Variants in SLIT3 observed in about 807,000 individuals in gnomAD.
SLIT3 encodes the protein slit homolog 3 protein.
Under a neutral mutation model 184.0 loss-of-function variants are expected in SLIT3, and 68 were observed. The observed-to-expected ratio is 0.37, with a 90% confidence interval of 0.30 to 0.45. SLIT3 has a LOEUF of 0.45. Ranked by LOEUF, SLIT3 falls within the 20% of genes least tolerant of loss-of-function variation. SLIT3 has a pLI of 1.00. For synonymous variants in SLIT3, 831 were observed against 828.6 expected (o/e 1.00, Z -0.05); for missense variants, 1,707 against 2,026.0 (o/e 0.84, Z 3.02).
rs1216665681 is a variant in SLIT3 at position 168,973,012 on chromosome 5, A to G, written c.414-89676T>C. On this transcript the variant is annotated intron_variant, in intron 4 of 35. Coordinates refer to ENST00000519560, the MANE Select transcript of SLIT3 (RefSeq NM_003062.4). ...GCAAAATGCTGAGAGTAGCTGGCACAGTCTTTCCTTAGATGACCTCTGAAA... is the reference window on the plus strand; with the variant it reads ...GCAAAATGCTGAGAGTAGCTGGCACGGTCTTTCCTTAGATGACCTCTGAAA... 2.6e-5 allele frequency among the ~76,000 whole-genome samples: 4 copies of G among 152,336 alleles called. No homozygotes were observed. The East Asian group carries it at 7.7e-4, about 29-fold the overall frequency.
rs144652435 is a variant in SLIT3, at chr5:168,960,207, G to A, written c.414-76871C>T. Reference sequence around the variant, plus strand: ...CTCCTCTGTACCTATGGTACCTGGCGTACTGCATGGCAGGTAATAGTCGGT... The same window carrying A: ...CTCCTCTGTACCTATGGTACCTGGCATACTGCATGGCAGGTAATAGTCGGT... On this transcript the variant is annotated intron_variant, in intron 4 of 35. Transcript: ENST00000519560. Among the ~76,000 whole-genome samples the A allele has an allele frequency of 2.5e-4, 38 of 152,306 alleles. No homozygotes were observed. The South Asian group carries it at 4.3e-3, about 17-fold the overall frequency.
At chr5:168,885,004 C>T (rs956524180) in intron 4 of SLIT3, among the ~76,000 whole-genome samples, 2 of 152,056 alleles carry the variant, frequency 1.3e-5, no homozygotes, top group African/African-American at 2.4e-5. Flanking sequence ...AGACATCAGA[C>T]GACTGCCCTC....
Position 168,666,546 on chromosome 5 carries a change from G to GCTTGCTGCGGGTGGGCTGGCAGCACT in SLIT3, c.4454_4479dup (p.Arg1494SerfsTer24). 1.2e-6 allele frequency: 2 copies of GCTTGCTGCGGGTGGGCTGGCAGCACT among 1,613,812 alleles called. No homozygotes were observed. The highest frequency in any genetic ancestry group is 1.7e-6 in the Non-Finnish European group (2 of 1,179,926). On this transcript the variant is annotated frameshift_variant, in exon 36 of 36. Coordinates refer to ENST00000519560, the MANE Select transcript of SLIT3 (RefSeq NM_003062.4). LOFTEE classifies it high-confidence loss of function. ...GTGCACTGGAAGACGTATTTCCGCC[G>GCTTGCTGCGGGTGGGCTGGCAGCACT]CTTGCTGCGGGTGGGCTGGCAGCAC...
At chr5:169,222,496 T>C (rs1397275892) in intron 3 of SLIT3, among the ~76,000 whole-genome samples, 1 of 152,146 alleles carries the variant, frequency 6.6e-6, no homozygotes, top group African/African-American at 2.4e-5. Flanking sequence ...CAGGTGACAA[T>C]TACTTGTCAG....
At chr5:168,779,493 A>G (rs537354846) in intron 12 of SLIT3, among the ~76,000 whole-genome samples, 2 of 152,298 alleles carry the variant, frequency 1.3e-5, no homozygotes, top group East Asian at 1.9e-4. Flanking sequence ...GAGCTCTAGG[A>G]GGCCCTCTGC....
At chr5:168,939,827 A>G (rs1307518957) in intron 4 of SLIT3, among the ~76,000 whole-genome samples, 1 of 152,208 alleles carries the variant, frequency 6.6e-6, no homozygotes, top group Non-Finnish European at 1.5e-5. Flanking sequence ...AGTGGCTATC[A>G]TGTTATTGAA....
At chr5:168,800,082 C>T (rs141459318) in intron 9 of SLIT3, among the ~76,000 whole-genome samples, 2 of 152,260 alleles carry the variant, frequency 1.3e-5, no homozygotes, top group East Asian at 3.9e-4. Flanking sequence ...GAAGGAAGCC[C>T]CATGTTTATT....
In SLIT3 at chr5:168,768,081, G is replaced by A. The variant is rs564654187; in HGVS notation, c.1459+4700C>T. ...GGGAGAGGTGGGTCTGGCAGGTGGTGGGCTGCGGTGCTCCAGAGCAGAGGA... is the reference window on the plus strand; with the variant it reads ...GGGAGAGGTGGGTCTGGCAGGTGGTAGGCTGCGGTGCTCCAGAGCAGAGGA... On this transcript the variant is annotated intron_variant, in intron 14 of 35. Coordinates refer to ENST00000519560, the MANE Select transcript of SLIT3 (RefSeq NM_003062.4). The A allele has an allele frequency of 2.4e-4, 97 of 405,868 alleles. 2 individuals are homozygous for A. The highest frequency in any genetic ancestry group is 1.6e-3 in the South Asian group (91 of 55,546). 25.1% of individuals were successfully genotyped at this position (405,868 alleles called of 1,614,324 possible).
intron 3 of SLIT3, among the ~76,000 whole-genome samples, chr5:169,224,551 A>G (rs1581074236): frequency 6.6e-6 from 1 of 151,956 alleles, no homozygotes; most frequent in African/African-American, 2.4e-5. Flanking sequence ...GTATTTTTGT[A>G]GAGATGGGGT....
intron 4 of SLIT3, among the ~76,000 whole-genome samples, chr5:169,106,258 G>A (rs893839607): frequency 6.6e-6 from 1 of 152,144 alleles, no homozygotes. Flanking sequence ...GAAGCCAAGG[G>A]TCCTCTTTCA....
At chr5:169,203,666 C>T (rs1232306637) in intron 3 of SLIT3, among the ~76,000 whole-genome samples, 1 of 152,176 alleles carries the variant, frequency 6.6e-6, no homozygotes, top group Non-Finnish European at 1.5e-5. Flanking sequence ...CTTTACCCTG[C>T]TACCAGGATA....
chr5:168,947,602 G>C (rs989803054), intron 4 of SLIT3, among the ~76,000 whole-genome samples: 3 of 152,182 alleles, frequency 2.0e-5, no homozygotes, highest in Admixed American at 6.5e-5. Context: ...GGCTGACAGA[G>C]GCACCAGGGC....
intron 20 of SLIT3, among the ~76,000 whole-genome samples, chr5:168,726,807 T>TA (rs931734645): frequency 1.3e-4 from 20 of 150,526 alleles, no homozygotes; most frequent in South Asian, 4.2e-4. Context: ...ACCCCCCTCC[T>TA]AAAAATACAA....
At chr5:169,001,664 G>A (rs1755706860) in intron 4 of SLIT3, among the ~76,000 whole-genome samples, 1 of 152,084 alleles carries the variant, frequency 6.6e-6, no homozygotes, top group Non-Finnish European at 1.5e-5. Context: ...ACCTAAGCTG[G>A]GATGAGAACC....
At chr5:169,220,347 G>GT (rs1388365844) in intron 3 of SLIT3, among the ~76,000 whole-genome samples, 1 of 151,800 alleles carries the variant, frequency 6.6e-6, no homozygotes, top group Non-Finnish European at 1.5e-5. Flanking sequence ...AAATTTTTAG[G>GT]TTTTAAAAAA....
chr5:168,835,724 T>C (rs530332175), intron 6 of SLIT3, among the ~76,000 whole-genome samples: 2 of 151,432 alleles, frequency 1.3e-5, no homozygotes, highest in South Asian at 4.2e-4. Context: ...GACAAGAGAG[T>C]TGCTTGAACT....
intron 3 of SLIT3, among the ~76,000 whole-genome samples, chr5:169,194,062 G>A (rs1029374665): frequency 2.6e-5 from 4 of 151,700 alleles, no homozygotes; most frequent in Non-Finnish European, 4.4e-5. Flanking sequence ...GTGAAACCCC[G>A]TTTCTAATAA....
chr5:168,802,421 C>T lies in SLIT3; in HGVS notation c.935+4025G>A, dbSNP rs371544831. 1.8e-4 allele frequency among the ~76,000 whole-genome samples: 27 copies of T among 152,290 alleles called. 2 individuals carry two copies. The highest frequency in any genetic ancestry group is 6.0e-4 in the African/African-American group (25 of 41,560). ...CCTATCCAGCCATAGAAACTTGCCG[C>T]CTCTGCTTTAATTTTTCAGTTTCAT... On this transcript the variant is annotated intron_variant, in intron 9 of 35. Coordinates refer to ENST00000519560, the MANE Select transcript of SLIT3 (RefSeq NM_003062.4).
intron 21 of SLIT3, among the ~76,000 whole-genome samples, chr5:168,723,541 A>C (rs1380127647): frequency 6.6e-6 from 1 of 152,262 alleles, no homozygotes; most frequent in Non-Finnish European, 1.5e-5. Flanking sequence ...GATACATATA[A>C]TAACAATCTC....
Sources: gnomAD v4.1 joint callset for allele counts (sites outside exome capture counted in the v4.1 genomes callset) on GRCh38, gnomAD v4.1.1 for gene constraint, MANE v1.5 for transcripts, NCBI Gene and HGNC (gene_info 2026-07-23, HGNC 2026-07-21) for gene names.